Variants in GPC5 observed in about 807,000 individuals in gnomAD.
GPC5 encodes the protein glypican 5.
Under a neutral mutation model 53.9 loss-of-function variants are expected in GPC5, and 47 were observed. The observed-to-expected ratio is 0.87, with a 90% CI of 0.69 to 1.11. GPC5 has a LOEUF of 1.11. Ranked by LOEUF, GPC5 falls within the 50% of genes most tolerant of loss-of-function variation. GPC5 has a pLI of 0.00. For missense variants in GPC5, 748 were observed against 713.1 expected, an observed-to-expected ratio of 1.05 and a Z score of -0.56; for synonymous variants, 286 against 263.3, an observed-to-expected ratio of 1.09 and a Z score of -0.84.
chr13:91,647,422 T>C (rs1459293034), intron 2 of GPC5, among the ~76,000 whole-genome samples: 2 of 152,218 alleles, frequency 1.3e-5, no homozygotes, highest in Non-Finnish European at 2.9e-5. Context: ...TTACATTCTA[T>C]GTGTAGTAGT....
At chr13:92,363,564 A>G (rs1021324601) in intron 7 of GPC5, among the ~76,000 whole-genome samples, 8 of 151,774 alleles carry the variant, frequency 5.3e-5, no homozygotes, top group African/African-American at 1.9e-4. Flanking sequence ...CATGAGGTGG[A>G]GAGCTCAGTG....
intron 7 of GPC5, among the ~76,000 whole-genome samples, chr13:92,685,467 T>G (rs1887234659): frequency 6.6e-6 from 1 of 151,886 alleles, no homozygotes; most frequent in Non-Finnish European, 1.5e-5. Context: ...TTGTAATAAG[T>G]TCTGATGTCT....
At chr13:91,411,846 A>T (rs1159185278) in intron 1 of GPC5, among the ~76,000 whole-genome samples, 1 of 152,218 alleles carries the variant, frequency 6.6e-6, no homozygotes, top group Non-Finnish European at 1.5e-5. Flanking sequence ...AAATATGTCA[A>T]GCCACAGCTT....
intron 7 of GPC5, among the ~76,000 whole-genome samples, chr13:92,630,422 T>A (rs1048488524): frequency 6.6e-6 from 1 of 152,168 alleles, no homozygotes; most frequent in Non-Finnish European, 1.5e-5. Flanking sequence ...CATTATTATT[T>A]TTTACTCATT....
intron 7 of GPC5, among the ~76,000 whole-genome samples, chr13:92,793,710 C>T (rs907976540): frequency 2.6e-5 from 4 of 151,936 alleles, no homozygotes; most frequent in African/African-American, 4.8e-5. Flanking sequence ...ATATCACCAC[C>T]GATCCCACAG....
At chr13:92,628,170 C>T (rs1035416736) in intron 7 of GPC5, among the ~76,000 whole-genome samples, 3 of 151,700 alleles carry the variant, frequency 2.0e-5, no homozygotes, top group Non-Finnish European at 2.9e-5. Flanking sequence ...AAACTTCCTT[C>T]ACCACCTAAT....
At chr13:91,536,402 C>T (rs1886594119) in intron 2 of GPC5, among the ~76,000 whole-genome samples, 1 of 152,144 alleles carries the variant, frequency 6.6e-6, no homozygotes, top group Non-Finnish European at 1.5e-5. Flanking sequence ...ACATTCCTGG[C>T]AATGAAGATA....
intron 5 of GPC5, among the ~76,000 whole-genome samples, chr13:91,782,594 C>T (rs143278534): frequency 0.014 from 2,157 of 152,204 alleles, 60 homozygotes; most frequent in African/African-American, 0.048. Flanking sequence ...TCCCTTGACA[C>T]GTGGGGATTA....
chr13:92,715,046 C>T (rs1439765775), intron 7 of GPC5, among the ~76,000 whole-genome samples: 4 of 152,140 alleles, frequency 2.6e-5, no homozygotes, highest in African/African-American at 9.7e-5. Context: ...GCCTGGACGA[C>T]AGAGCAAGAC....
chr13:92,020,690 T>C (rs1280426713), intron 6 of GPC5, among the ~76,000 whole-genome samples: 3 of 151,400 alleles, frequency 2.0e-5, no homozygotes, highest in African/African-American at 7.3e-5. Flanking sequence ...ATTCTTTTTT[T>C]TTTTTTTTAC....
At chr13:92,459,963 G>T (rs930721360) in intron 7 of GPC5, among the ~76,000 whole-genome samples, 19 of 151,932 alleles carry the variant, frequency 1.3e-4, no homozygotes, top group Admixed American at 4.6e-4. Flanking sequence ...ATTTATCTTT[G>T]TATCTTTACC....
rs1241041751 is a variant in GPC5, at chr13:92,719,165, T to G, written c.1562-147117T>G. 2.7e-5 allele frequency among the ~76,000 whole-genome samples: 4 copies of G among 148,236 alleles called. No homozygotes were observed. The East Asian group carries it at 9.4e-4, about 35-fold the overall frequency. ...ATTTGAAATACATAGATGATTCCTA[T>G]AGCCCCCCCCCACATAATGATTTTG... On this transcript the variant is annotated intron_variant, in intron 7 of 7. Transcript: ENST00000377067.
At chr13:91,947,459 T>C (rs1171382272) in intron 6 of GPC5, among the ~76,000 whole-genome samples, 3 of 152,216 alleles carry the variant, frequency 2.0e-5, no homozygotes, top group Admixed American at 2.0e-4. Context: ...AGTTTAATTT[T>C]GGTCTCCAGT....
intron 5 of GPC5, among the ~76,000 whole-genome samples, chr13:91,870,874 T>C (rs779516714): frequency 1.3e-4 from 20 of 152,226 alleles, no homozygotes; most frequent in Non-Finnish European, 2.4e-4. Context: ...AGGTTGAATA[T>C]TCCTTATCTG....
intron 6 of GPC5, among the ~76,000 whole-genome samples, chr13:92,094,288 G>A (rs1410911608): frequency 7.9e-5 from 12 of 152,028 alleles, no homozygotes; most frequent in Non-Finnish European, 1.3e-4. Context: ...AGGCCGAGGT[G>A]GGTGGATCAC....
At chr13:92,813,095 T>C (rs1877352494) in intron 7 of GPC5, among the ~76,000 whole-genome samples, 1 of 151,886 alleles carries the variant, frequency 6.6e-6, no homozygotes, top group South Asian at 2.1e-4. Context: ...TGGGAAAATA[T>C]TGTTATATTT....
intron 7 of GPC5, among the ~76,000 whole-genome samples, chr13:92,494,246 C>T (rs1300883613): frequency 2.0e-5 from 3 of 152,158 alleles, no homozygotes. Context: ...CCCGCCACTA[C>T]GCCCGGCTAA....
chr13:92,026,334 C>T (rs977781839), intron 6 of GPC5, among the ~76,000 whole-genome samples: 1 of 151,754 alleles, frequency 6.6e-6, no homozygotes, highest in Non-Finnish European at 1.5e-5. Flanking sequence ...AGTCCAAAAC[C>T]AGACTGACTA....
intron 1 of GPC5, among the ~76,000 whole-genome samples, chr13:91,416,590 T>G (rs1878246614): frequency 6.6e-6 from 1 of 152,088 alleles, no homozygotes; most frequent in Non-Finnish European, 1.5e-5. Flanking sequence ...GCATTTCTCC[T>G]AATGTTATCC....
Sources: gnomAD v4.1 joint callset for allele counts (sites outside exome capture counted in the v4.1 genomes callset) on GRCh38, gnomAD v4.1.1 for gene constraint, MANE v1.5 for transcripts, NCBI Gene and HGNC (gene_info 2026-07-23, HGNC 2026-07-21) for gene names.